The following UBXN2A variants were observed in gnomAD, a reference collection of about 807,000 sequenced individuals.
The protein encoded by UBXN2A is UBX domain protein 2A, also known as UBX domain-containing protein 2A.
In UBXN2A, 28 loss-of-function variants were observed where a neutral mutation model predicts 28.4. That is an observed-to-expected ratio of 0.99 (90% confidence interval 0.73 to 1.35). The LOEUF (loss-of-function observed/expected upper bound fraction) is 1.35. UBXN2A is among the 40% of genes most tolerant of loss of function. The probability of loss-of-function intolerance (pLI) is 0.00; values close to 1 mark genes in which losing one functional copy is unlikely to be tolerated. For missense variants in UBXN2A, 253 were observed against 297.9 expected (o/e 0.85, Z 1.11); for synonymous variants, 97 against 103.6 (o/e 0.94, Z 0.39).
intron 1 of UBXN2A, among the ~76,000 whole-genome samples, chr2:23,956,111 G>T (rs138438714): frequency 7.1e-4 from 108 of 151,568 alleles, no homozygotes; most frequent in African/African-American, 2.0e-3. Flanking sequence ...TGATCCAACT[G>T]CCTCGGCCTC....
chr2:23,927,569 A>G (rs910045189), exon 1 of UBXN2A: 2 of 144,576 alleles, frequency 1.4e-5, no homozygotes, highest in Non-Finnish European at 3.1e-5. Flanking sequence ...AATGAGAATG[A>G]CAGCTGTGAT....
At chr2:23,934,940 C>G (rs1031743282) in intron 1 of UBXN2A, among the ~76,000 whole-genome samples, 1 of 151,770 alleles carries the variant, frequency 6.6e-6, no homozygotes, top group Non-Finnish European at 1.5e-5. Flanking sequence ...CTGGGTGTGG[C>G]GGTGCATACC....
At chr2:23,987,407 A>G (rs1708174157) in intron 6 of UBXN2A, among the ~76,000 whole-genome samples, 1 of 152,176 alleles carries the variant, frequency 6.6e-6, no homozygotes, top group African/African-American at 2.4e-5. Flanking sequence ...TTTACCTAGT[A>G]TATATGTATT....
chr2:23,961,033 C>T (rs1286375522), intron 2 of UBXN2A, among the ~76,000 whole-genome samples: 1 of 152,072 alleles, frequency 6.6e-6, no homozygotes, highest in African/African-American at 2.4e-5. Flanking sequence ...TTTCACTTAG[C>T]ATAATGTTTT....
upstream of UBXN2A, among the ~76,000 whole-genome samples, chr2:23,937,378 C>G (rs1705560855): frequency 6.6e-6 from 1 of 152,038 alleles, no homozygotes; most frequent in South Asian, 2.1e-4. Flanking sequence ...AACTCCATCT[C>G]TACAAAAAAA....
In UBXN2A at chr2:23,946,340, T is replaced by G. The variant is rs944634680; in HGVS notation, c.-15+5692T>G. 1.3e-3 allele frequency among the ~76,000 whole-genome samples: 191 copies of G among 151,054 alleles called. 1 individual carries two copies. The Middle Eastern group carries it at 0.014, about 11-fold the overall frequency. On this transcript the variant is annotated intron_variant, in intron 1 of 6. Coordinates refer to ENST00000309033, the MANE Select transcript of UBXN2A (RefSeq NM_181713.4). ...GGCTAATTTTTGTTTTTTGTTGTTT[T>G]TTTTTTTTACTCACTCTGTCACCAG...
intron 2 of UBXN2A, among the ~76,000 whole-genome samples, chr2:23,970,983 T>A (rs1390459942): frequency 1.3e-5 from 2 of 152,130 alleles, no homozygotes; most frequent in Non-Finnish European, 2.9e-5. Context: ...TGCAACCTGG[T>A]TTCTGACAGG....
chr2:23,979,298 T>C (rs1295160026), intron 4 of UBXN2A, among the ~76,000 whole-genome samples: 3 of 151,842 alleles, frequency 2.0e-5, no homozygotes, highest in African/African-American at 4.8e-5. Flanking sequence ...TGAGCTGAGA[T>C]CATGCTACTG....
At chr2:23,971,034 A>C (rs1707391484) in intron 2 of UBXN2A, among the ~76,000 whole-genome samples, 1 of 152,202 alleles carries the variant, frequency 6.6e-6, no homozygotes, top group South Asian at 2.1e-4. Context: ...TCCAGTGCAC[A>C]GGACACCTCA....
chr2:23,958,383 G>C lies in UBXN2A; in HGVS notation c.41+28G>C, dbSNP rs112097545. ...AAGTTAATTCAAACTGAATTGCTTT[G>C]TTAATGCCTTTGTTAATATCGTCCT... On this transcript the variant is annotated intron_variant, in intron 2 of 6. Transcript: ENST00000309033. 1.1e-3 allele frequency: 1,794 copies of C among 1,579,422 alleles called. 16 individuals are homozygous for C. The African/African-American group carries it at 0.014, about 13-fold the overall frequency.
rs77220767 is a variant in UBXN2A at position 23,947,289 on chromosome 2, G to A, written c.-15+6641G>A. Among the ~76,000 whole-genome samples the A allele has an allele frequency of 1.4e-4, 22 of 152,266 alleles. 1 individual carries two copies. In the East Asian group the frequency reaches 4.3e-3, roughly 29 times the overall value. ...TGTTCCATAAAACTCAGTCTTCTCT[G>A]TCTCCTGATTGATTTCATCACTGCA... On this transcript the variant is annotated intron_variant, in intron 1 of 6. Coordinates refer to ENST00000309033, the MANE Select transcript of UBXN2A (RefSeq NM_181713.4).
At chr2:23,951,963 T>C (rs1706393447) in intron 1 of UBXN2A, among the ~76,000 whole-genome samples, 1 of 150,754 alleles carries the variant, frequency 6.6e-6, no homozygotes, top group Admixed American at 6.7e-5. Flanking sequence ...CTGAAGTTTT[T>C]TTCCTTTTTT....
chr2:23,940,714 C>G (rs1026385349), intron 1 of UBXN2A, 66 bp downstream of exon 1: 1 of 151,786 alleles, frequency 6.6e-6, no homozygotes, highest in African/African-American at 2.4e-5. Flanking sequence ...CGCCTGCCGG[C>G]TGGGGCCGAG....
chr2:23,936,084 C>A (rs1039757146), upstream of UBXN2A, among the ~76,000 whole-genome samples: 1 of 151,942 alleles, frequency 6.6e-6, no homozygotes, highest in African/African-American at 2.4e-5. Flanking sequence ...AATAAATATT[C>A]TTGCCACAAT....
At chr2:23,988,642 C>CAT (rs1412793702) in intron 6 of UBXN2A, among the ~76,000 whole-genome samples, 1 of 152,114 alleles carries the variant, frequency 6.6e-6, no homozygotes, top group Non-Finnish European at 1.5e-5. Flanking sequence ...TGGTGTCTAC[C>CAT]AGAGTCCTTT....
intron 4 of UBXN2A, 43 bp downstream of exon 4, chr2:23,977,118 C>G (rs754215134): frequency 6.6e-7 from 1 of 1,508,072 alleles, no homozygotes; most frequent in South Asian, 1.1e-5. Flanking sequence ...AAACCCAAAA[C>G]TTTGGCAGGC....
At chr2:23,984,316 A>G (rs1191087476) in intron 5 of UBXN2A, among the ~76,000 whole-genome samples, 2 of 152,184 alleles carry the variant, frequency 1.3e-5, no homozygotes, top group African/African-American at 4.8e-5. Flanking sequence ...TAAGCTCAAT[A>G]AAGAACTTAT....
intron 2 of UBXN2A, among the ~76,000 whole-genome samples, chr2:23,966,318 A>G (rs1450726599): frequency 1.3e-5 from 2 of 151,260 alleles, no homozygotes. Flanking sequence ...TTGTATTTTT[A>G]GTAGAGACGG....
At chr2:23,985,408 C>A (rs1708084949) in intron 6 of UBXN2A, among the ~76,000 whole-genome samples, 1 of 151,940 alleles carries the variant, frequency 6.6e-6, no homozygotes, top group South Asian at 2.1e-4. Context: ...ACCACCAAGC[C>A]CGGCTAATTT....
Sources: gnomAD v4.1 joint callset for allele counts (sites outside exome capture counted in the v4.1 genomes callset) on GRCh38, gnomAD v4.1.1 for gene constraint, MANE v1.5 for transcripts, NCBI Gene and HGNC (gene_info 2026-07-23, HGNC 2026-07-21) for gene names.